Variants in GABRB2 observed in about 807,000 individuals in gnomAD.
The protein encoded by GABRB2 is gamma-aminobutyric acid receptor subunit beta-2.
A neutral mutation model predicts 54.7 loss-of-function variants in GABRB2; 16 were observed. That is an observed-to-expected ratio of 0.29 (90% confidence interval 0.20 to 0.44). GABRB2 has a LOEUF of 0.44. GABRB2 is among the 20% of genes least tolerant of loss of function. The pLI, the probability that GABRB2 is intolerant of heterozygous loss-of-function variation, is 1.00. For synonymous variants in GABRB2, 244 were observed against 233.8 expected (o/e 1.04, Z -0.40); for missense variants, 355 against 644.0 (o/e 0.55, Z 4.86).
intron 3 of GABRB2, among the ~76,000 whole-genome samples, chr5:161,475,182 T>C (rs1181253520): frequency 1.3e-5 from 2 of 152,002 alleles, no homozygotes; most frequent in Non-Finnish European, 2.9e-5. Context: ...GAAACAGAAT[T>C]ACTACTACCT....
intron 9 of GABRB2, among the ~76,000 whole-genome samples, chr5:161,297,246 A>G (rs1380337653): frequency 6.6e-6 from 1 of 152,132 alleles, no homozygotes; most frequent in Non-Finnish European, 1.5e-5. Flanking sequence ...TGTCTTTCAT[A>G]TCAACAGAAT....
In GABRB2 at chr5:161,336,646, AC is replaced by A; in HGVS notation, c.664del (p.Val222LeufsTer34). On this transcript the variant is annotated frameshift_variant, in exon 6 of 10. Transcript: ENST00000393959. LOFTEE classifies it high-confidence loss of function. The part of the protein sequence containing the change: ...IVDYKLITKK[V>X]VFSTGSYPRL... ...ATGATACAAACCTGTGGAAAAAACA[AC>A]CTTCTTGGTGATAAGTTTGTAATCT... 6.2e-7 allele frequency: 1 copy of A among 1,613,120 alleles called. No individual in the cohort carries two copies. The highest frequency in any genetic ancestry group is 8.5e-7 in the Non-Finnish European group (1 of 1,179,494).
At chr5:161,471,157 T>C (rs576186483) in intron 3 of GABRB2, among the ~76,000 whole-genome samples, 20 of 152,030 alleles carry the variant, frequency 1.3e-4, no homozygotes, top group African/African-American at 4.3e-4. Context: ...CCAACCAAGG[T>C]CCCACAGCTG....
At chr5:161,465,836 T>C (rs867407344) in intron 3 of GABRB2, among the ~76,000 whole-genome samples, 18 of 152,268 alleles carry the variant, frequency 1.2e-4, no homozygotes, top group Middle Eastern at 3.4e-3. Context: ...AGTTTCTGCA[T>C]AGTTTTTACA....
chr5:161,476,666 G>A (rs1428251665), intron 3 of GABRB2, among the ~76,000 whole-genome samples: 1 of 151,808 alleles, frequency 6.6e-6, no homozygotes, highest in Admixed American at 6.6e-5. Flanking sequence ...TCTTAAGCAA[G>A]GGTGCCAAGA....
chr5:161,347,879 T>A (rs190308806), intron 5 of GABRB2, among the ~76,000 whole-genome samples: 1 of 152,242 alleles, frequency 6.6e-6, no homozygotes, highest in African/African-American at 2.4e-5. Flanking sequence ...ATTGAATGAT[T>A]TACACATCTT....
intron 6 of GABRB2, among the ~76,000 whole-genome samples, chr5:161,335,105 C>G (rs1250313211): frequency 6.6e-6 from 1 of 152,136 alleles, no homozygotes; most frequent in Non-Finnish European, 1.5e-5. Context: ...CCTGTACTCA[C>G]CAGTAATTAA....
At chr5:161,481,349 T>C (rs1758756363) in intron 3 of GABRB2, among the ~76,000 whole-genome samples, 1 of 152,066 alleles carries the variant, frequency 6.6e-6, no homozygotes, top group Middle Eastern at 3.2e-3. Flanking sequence ...TTTTCAGTAC[T>C]TTCTCTTCAA....
At position 161,294,279 on chromosome 5, in the gene GABRB2, G is replaced by C. The variant is rs1403734023; in HGVS notation, c.1341C>G (p.Pro447=). 3 of 1,614,094 alleles carry C rather than the reference G, an allele frequency of 1.9e-6. No individual in the cohort carries two copies. The highest frequency in any genetic ancestry group is 2.5e-6 in the Non-Finnish European group (3 of 1,180,000). Reference sequence around the variant, plus strand: ...GAGCATTTCGGCCAAAACTATGCCTGGGCAACCCAGCTTTCCGATACTGGA... The same window carrying C: ...GAGCATTTCGGCCAAAACTATGCCTCGGCAACCCAGCTTTCCGATACTGGA... ...SSIQYRKAGL[P]RHSFGRNALE... The change falls in exon 10 of 10, where the codon CCC becomes CCG. Residue 447 remains proline (P), a synonymous_variant. Transcript: ENST00000393959.
intron 5 of GABRB2, among the ~76,000 whole-genome samples, chr5:161,394,002 A>G (rs1388152936): frequency 6.6e-6 from 1 of 152,088 alleles, no homozygotes; most frequent in Non-Finnish European, 1.5e-5. Context: ...CATAAATTTT[A>G]AAAGGATAAA....
intron 3 of GABRB2, among the ~76,000 whole-genome samples, chr5:161,489,499 G>T (rs958233258): frequency 6.6e-6 from 1 of 151,614 alleles, no homozygotes; most frequent in South Asian, 2.1e-4. Context: ...AATTTGTTAA[G>T]GTCACACTGG....
intron 5 of GABRB2, among the ~76,000 whole-genome samples, chr5:161,374,132 C>T (rs1024656499): frequency 6.6e-5 from 10 of 151,878 alleles, no homozygotes; most frequent in African/African-American, 1.5e-4. Flanking sequence ...CTAGTAGAGA[C>T]GGGGTTTCTC....
chr5:161,421,641 T>G (rs1756856792), intron 4 of GABRB2, among the ~76,000 whole-genome samples: 2 of 152,136 alleles, frequency 1.3e-5, no homozygotes, highest in African/African-American at 4.8e-5. Context: ...GGTGTCGGCT[T>G]CAGGAGAACC....
chr5:161,488,192 T>C (rs182555048), intron 3 of GABRB2, among the ~76,000 whole-genome samples: 1 of 151,588 alleles, frequency 6.6e-6, no homozygotes, highest in African/African-American at 2.4e-5. Context: ...ATAGAAAAAT[T>C]TGGCTTGACA....
At chr5:161,530,523 GC>G (rs1561683743) in intron 3 of GABRB2, among the ~76,000 whole-genome samples, 1 of 152,014 alleles carries the variant, frequency 6.6e-6, no homozygotes, top group Non-Finnish European at 1.5e-5. Flanking sequence ...GGATATATTT[GC>G]CAGGAAATCC....
chr5:161,457,638 G>C (rs1241947188), intron 4 of GABRB2, among the ~76,000 whole-genome samples: 1 of 151,920 alleles, frequency 6.6e-6, no homozygotes, highest in East Asian at 1.9e-4. Flanking sequence ...AGTAGAGACA[G>C]GCTTTCACCG....
At chr5:161,441,285 T>C (rs1024662239) in intron 4 of GABRB2, among the ~76,000 whole-genome samples, 1 of 152,070 alleles carries the variant, frequency 6.6e-6, no homozygotes, top group African/African-American at 2.4e-5. Flanking sequence ...TGCTAAAAAA[T>C]TGGCTAAATA....
At chr5:161,305,001 ATTTTTTT>A (rs544511446) in intron 9 of GABRB2, among the ~76,000 whole-genome samples, 8 of 95,140 alleles carry the variant, frequency 8.4e-5, no homozygotes, top group East Asian at 3.1e-4. Flanking sequence ...TGATATATCA[ATTTTTTT>A]TTTTTTTTTT....
chr5:161,307,028 G>A (rs951094820), intron 9 of GABRB2, among the ~76,000 whole-genome samples: 8 of 152,124 alleles, frequency 5.3e-5, no homozygotes, highest in Admixed American at 2.0e-4. Context: ...TCTTACTAGC[G>A]CATGGTTGAT....
Sources: allele counts gnomAD v4.1 joint callset (sites outside exome capture counted in the v4.1 genomes callset), GRCh38; gene constraint gnomAD v4.1.1; transcripts MANE v1.5; gene names NCBI Gene and HGNC (gene_info 2026-07-23, HGNC 2026-07-21).